The following CNTNAP2 variants were observed in gnomAD, a reference collection of about 807,000 sequenced individuals.
CNTNAP2 encodes contactin-associated protein-like 2.
In CNTNAP2, 98 loss-of-function variants were observed where a neutral mutation model predicts 155.2. The ratio of observed to expected loss-of-function variants is 0.63; its 90% CI spans 0.54 to 0.75. The LOEUF (loss-of-function observed/expected upper bound fraction) is 0.75. Among genes scored for constraint, CNTNAP2 ranks in the 30% least tolerant of loss-of-function variants. The pLI is 0.00. For synonymous variants in CNTNAP2, 651 were observed against 631.2 expected, an observed-to-expected ratio of 1.03 and a Z score of -0.47; for missense variants, 1,727 against 1,688.1, an observed-to-expected ratio of 1.02 and a Z score of -0.40.
In CNTNAP2 at chr7:146,706,399, AAAAG is replaced by A. The variant is rs990510061; in HGVS notation, c.98-67866_98-67863del. Among the ~76,000 whole-genome samples, 376 of 152,280 alleles carry A rather than the reference AAAAG, an allele frequency of 2.5e-3. 2 individuals are homozygous for A. Among genetic ancestry groups the A allele is most frequent in the African/African-American group, 8.7e-3 (361 of 41,570 alleles). On this transcript the variant is annotated intron_variant, in intron 1 of 23. Coordinates refer to ENST00000361727, the MANE Select transcript of CNTNAP2 (RefSeq NM_014141.6). ...AGAAAATGCTATGAAGAAAAATTAA[AAAAG>A]AAAGAGATTCATGGAGATCTTCTCA...
At chr7:146,748,472 T>C (rs1801850576) in intron 1 of CNTNAP2, among the ~76,000 whole-genome samples, 1 of 152,078 alleles carries the variant, frequency 6.6e-6, no homozygotes, top group African/African-American at 2.4e-5. Context: ...TTAAGGATCT[T>C]TGCTGGGGAT....
intron 3 of CNTNAP2, among the ~76,000 whole-genome samples, chr7:146,934,280 T>C (rs1279690265): frequency 6.6e-6 from 1 of 152,124 alleles, no homozygotes; most frequent in African/African-American, 2.4e-5. Flanking sequence ...GATGAGTTCA[T>C]GTCCTTTGTA....
intron 1 of CNTNAP2, among the ~76,000 whole-genome samples, chr7:146,293,314 C>G (rs1268827964): frequency 2.6e-5 from 4 of 152,090 alleles, no homozygotes. Context: ...GACATTTTTT[C>G]TGAAGTTGTT....
chr7:146,781,550 C>T (rs1189546922), intron 2 of CNTNAP2, among the ~76,000 whole-genome samples: 2 of 152,092 alleles, frequency 1.3e-5, no homozygotes, highest in Non-Finnish European at 2.9e-5. Context: ...TGACGCCAAC[C>T]TCTTCCCTAG....
At chr7:147,331,672 A>G (rs1795572564) in intron 9 of CNTNAP2, among the ~76,000 whole-genome samples, 1 of 152,142 alleles carries the variant, frequency 6.6e-6, no homozygotes, top group Admixed American at 6.5e-5. Flanking sequence ...CGGAGTCTAT[A>G]GAAGCCACCA....
At chr7:147,537,781 A>T (rs1202657281) in intron 11 of CNTNAP2, among the ~76,000 whole-genome samples, 1 of 152,158 alleles carries the variant, frequency 6.6e-6, no homozygotes, top group African/African-American at 2.4e-5. Context: ...CCATGTTATA[A>T]AGGTTTGTAC....
rs536494232 is a variant in CNTNAP2 at position 147,360,878 on chromosome 7, C to G, written c.1499-34731C>G. On this transcript the variant is annotated intron_variant, in intron 9 of 23. Transcript: ENST00000361727. ...TTATATGAAAAGGTATGTAGGTGGT[C>G]GCAGAAGGGGTCAGAGAAGGTAAGT... Among the ~76,000 whole-genome samples the G allele has an allele frequency of 7.1e-4, 108 of 151,974 alleles. 1 individual carries two copies. The highest frequency in any genetic ancestry group is 1.2e-3 in the Non-Finnish European group (81 of 68,022).
chr7:147,832,185 AT>A (rs1414194975), intron 13 of CNTNAP2, among the ~76,000 whole-genome samples: 3 of 58,684 alleles, frequency 5.1e-5, no homozygotes, highest in African/African-American at 7.6e-5. Flanking sequence ...TAATTAAATT[AT>A]ACATTTAATT....
chr7:147,751,244 A>T (rs1015507372), intron 13 of CNTNAP2, among the ~76,000 whole-genome samples: 1 of 151,842 alleles, frequency 6.6e-6, no homozygotes, highest in Non-Finnish European at 1.5e-5. Context: ...TTAAGAACAT[A>T]AAATGATCCG....
chr7:146,837,135 A>G (rs1803633457), intron 2 of CNTNAP2, among the ~76,000 whole-genome samples: 1 of 152,088 alleles, frequency 6.6e-6, no homozygotes, highest in Non-Finnish European at 1.5e-5. Context: ...TATTTCTTCA[A>G]ACATATTTTA....
chr7:146,488,979 G>A (rs1231095685), intron 1 of CNTNAP2, among the ~76,000 whole-genome samples: 1 of 152,144 alleles, frequency 6.6e-6, no homozygotes, highest in Admixed American at 6.5e-5. Context: ...AATCTTATTA[G>A]GGACATGGAA....
At chr7:147,327,363 C>T (rs938834063) in intron 9 of CNTNAP2, among the ~76,000 whole-genome samples, 1 of 152,284 alleles carries the variant, frequency 6.6e-6, no homozygotes, top group South Asian at 2.1e-4. Flanking sequence ...GTGTGTCTGA[C>T]TCTAGACACT....
chr7:147,025,575 C>T (rs1798902973), intron 3 of CNTNAP2, among the ~76,000 whole-genome samples: 1 of 151,472 alleles, frequency 6.6e-6, no homozygotes, highest in African/African-American at 2.4e-5. Flanking sequence ...TCACCTCCCA[C>T]TAGGTCCCAC....
At chr7:146,791,931 C>G (rs1219587605) in intron 2 of CNTNAP2, among the ~76,000 whole-genome samples, 1 of 152,156 alleles carries the variant, frequency 6.6e-6, no homozygotes, top group Non-Finnish European at 1.5e-5. Context: ...GGAATCCCCC[C>G]TACTATTTTT....
chr7:147,909,970 C>G (rs757579207), intron 14 of CNTNAP2, among the ~76,000 whole-genome samples: 6 of 152,102 alleles, frequency 3.9e-5, no homozygotes, highest in Non-Finnish European at 7.4e-5. Flanking sequence ...TTTCGCTGAC[C>G]CTAAATGGAA....
At chr7:147,922,198 G>A (rs989737058) in intron 14 of CNTNAP2, among the ~76,000 whole-genome samples, 2 of 152,156 alleles carry the variant, frequency 1.3e-5, no homozygotes, top group Non-Finnish European at 2.9e-5. Context: ...AATAAATCAA[G>A]AAATTCATTT....
At chr7:147,318,251 G>C (rs527269624) in intron 9 of CNTNAP2, among the ~76,000 whole-genome samples, 2 of 152,202 alleles carry the variant, frequency 1.3e-5, no homozygotes, top group Admixed American at 1.3e-4. Flanking sequence ...TGACCAGCCT[G>C]AGCAATGTGG....
rs769804817 is a variant in CNTNAP2, at chr7:148,229,628, T to C, written c.3248-18T>C. 6.2e-7 allele frequency: 1 copy of C among 1,614,032 alleles called. No homozygotes were observed. The highest frequency in any genetic ancestry group is 8.5e-7 in the Non-Finnish European group (1 of 1,179,976). On this transcript the variant is annotated intron_variant, in intron 19 of 23. Coordinates refer to ENST00000361727, the MANE Select transcript of CNTNAP2 (RefSeq NM_014141.6). ...TTTAGGGCAAACAAATTACTGAGCT[T>C]TCTTTTTTCTTCTATAGGAAGCTTA...
At chr7:146,987,033 A>AG (rs1470181354) in intron 3 of CNTNAP2, among the ~76,000 whole-genome samples, 1 of 152,164 alleles carries the variant, frequency 6.6e-6, no homozygotes, top group African/African-American at 2.4e-5. Context: ...AAATTCTGTC[A>AG]GGTCTAATAT....
Sources: allele counts gnomAD v4.1 joint callset (sites outside exome capture counted in the v4.1 genomes callset), GRCh38; gene constraint gnomAD v4.1.1; transcripts MANE v1.5; gene names NCBI Gene and HGNC (gene_info 2026-07-23, HGNC 2026-07-21).